ADGRL3: variants seen among roughly 807,000 people sequenced by gnomAD.
The protein encoded by ADGRL3 is calcium-independent alpha-latrotoxin receptor 3.
A neutral mutation model predicts 153.5 loss-of-function variants in ADGRL3; 62 were observed. That is an observed-to-expected ratio of 0.40 (90% CI 0.33 to 0.50). ADGRL3 has a LOEUF of 0.50. ADGRL3 is among the 20% of genes least tolerant of loss of function. The pLI is 0.47. For synonymous variants in ADGRL3, 710 were observed against 672.5 expected (o/e 1.06, Z -0.86); for missense variants, 1,641 against 1,859.4 (o/e 0.88, Z 2.16).
chr4:61,376,109 A>G (rs1359029944), intron 1 of ADGRL3, among the ~76,000 whole-genome samples: 2 of 152,116 alleles, frequency 1.3e-5, no homozygotes, highest in Non-Finnish European at 2.9e-5. Flanking sequence ...CAAACTTCCA[A>G]TTGTTTTGAA....
At chr4:61,898,949 C>G (rs2098647880) in intron 11 of ADGRL3, among the ~76,000 whole-genome samples, 1 of 152,058 alleles carries the variant, frequency 6.6e-6, no homozygotes, top group South Asian at 2.1e-4. Flanking sequence ...AGGCTTTCCA[C>G]TTGGCAGGCC....
intron 1 of ADGRL3, among the ~76,000 whole-genome samples, chr4:61,329,880 G>A (rs2095537551): frequency 6.6e-6 from 1 of 152,176 alleles, no homozygotes; most frequent in African/African-American, 2.4e-5. Context: ...AGGGGTGTCA[G>A]TAGGGTACAA....
At chr4:61,835,918 A>G (rs1341489484) in intron 9 of ADGRL3, among the ~76,000 whole-genome samples, 2 of 152,192 alleles carry the variant, frequency 1.3e-5, no homozygotes, top group East Asian at 3.9e-4. Context: ...TAGCTTGCAA[A>G]GGCTTTTAAC....
chr4:61,426,539 G>T (rs2097284077), intron 2 of ADGRL3, among the ~76,000 whole-genome samples: 1 of 149,574 alleles, frequency 6.7e-6, no homozygotes, highest in South Asian at 2.2e-4. Flanking sequence ...ATGCAGCCTT[G>T]CCTGGAAACT....
At chr4:62,059,725 A>G (rs1739043662) in intron 25 of ADGRL3, among the ~76,000 whole-genome samples, 1 of 152,168 alleles carries the variant, frequency 6.6e-6, no homozygotes, top group Non-Finnish European at 1.5e-5. Flanking sequence ...CCAAAGCCAC[A>G]TGGCTGAGAC....
intron 1 of ADGRL3, among the ~76,000 whole-genome samples, chr4:61,274,279 G>T (rs2093353650): frequency 6.6e-6 from 1 of 152,144 alleles, no homozygotes; most frequent in African/African-American, 2.4e-5. Flanking sequence ...AATGATAAAT[G>T]CTAACATTAT....
chr4:62,038,063 T>C (rs1329038906), intron 24 of ADGRL3, among the ~76,000 whole-genome samples: 1 of 152,126 alleles, frequency 6.6e-6, no homozygotes, highest in Non-Finnish European at 1.5e-5. Flanking sequence ...AATTTGAAGT[T>C]TGCATAATAA....
At chr4:61,817,145 G>A (rs2097696642) in intron 9 of ADGRL3, among the ~76,000 whole-genome samples, 1 of 137,422 alleles carries the variant, frequency 7.3e-6, no homozygotes, top group Non-Finnish European at 1.5e-5. Context: ...GCACAGGTCT[G>A]CAGACCCCCC....
At chr4:61,490,517 G>A (rs985318822) in intron 2 of ADGRL3, among the ~76,000 whole-genome samples, 4 of 151,942 alleles carry the variant, frequency 2.6e-5, no homozygotes, top group Non-Finnish European at 4.4e-5. Flanking sequence ...AATGTTTCTT[G>A]AAAATATTAA....
chr4:61,863,112 A>G (rs1196307931), intron 9 of ADGRL3, among the ~76,000 whole-genome samples: 1 of 152,052 alleles, frequency 6.6e-6, no homozygotes, highest in Non-Finnish European at 1.5e-5. Context: ...CAGATGAACA[A>G]TGTGATCCTT....
chr4:61,723,752 T>G (rs4860429), intron 6 of ADGRL3, among the ~76,000 whole-genome samples: 66,542 of 151,970 alleles, frequency 0.44, 14,811 homozygotes, highest in Admixed American at 0.54. Flanking sequence ...TTTCCCAGCA[T>G]TTGCATATCA....
chr4:61,210,942 C>T (rs1234476039), intron 1 of ADGRL3, among the ~76,000 whole-genome samples: 1 of 151,992 alleles, frequency 6.6e-6, no homozygotes, highest in African/African-American at 2.4e-5. Flanking sequence ...AGCTAGGCAG[C>T]CATTTAAAAA....
chr4:61,860,342 A>G (rs2098327826), intron 9 of ADGRL3, among the ~76,000 whole-genome samples: 3 of 152,110 alleles, frequency 2.0e-5, no homozygotes, highest in African/African-American at 7.2e-5. Context: ...TTAACAATAT[A>G]CAGATAAACG....
At chr4:61,689,510 T>C (rs1205685105) in intron 6 of ADGRL3, among the ~76,000 whole-genome samples, 1 of 152,220 alleles carries the variant, frequency 6.6e-6, no homozygotes, top group African/African-American at 2.4e-5. Context: ...TCATTGGCTC[T>C]TAACAGCCAT....
intron 8 of ADGRL3, among the ~76,000 whole-genome samples, chr4:61,761,351 G>C (rs757543224): frequency 6.6e-6 from 1 of 152,178 alleles, no homozygotes; most frequent in Non-Finnish European, 1.5e-5. Context: ...TTCAGCCTAT[G>C]CCCAGGAAGG....
intron 2 of ADGRL3, among the ~76,000 whole-genome samples, chr4:61,491,036 A>G (rs1370835103): frequency 2.0e-5 from 3 of 152,158 alleles, no homozygotes; most frequent in African/African-American, 7.2e-5. Flanking sequence ...TACCAAATAT[A>G]TTAACATTTG....
intron 6 of ADGRL3, among the ~76,000 whole-genome samples, chr4:61,714,269 G>A (rs1336545151): frequency 7.7e-6 from 1 of 130,540 alleles, no homozygotes; most frequent in African/African-American, 2.9e-5. Context: ...CAAAATTGAA[G>A]TGACAGCTAA....
chr4:61,939,193 GA>G (rs1194166554), intron 15 of ADGRL3, among the ~76,000 whole-genome samples: 1 of 152,144 alleles, frequency 6.6e-6, no homozygotes. Context: ...TGAGTTTTAA[GA>G]CAGGTAAAGA....
At chr4:61,562,615 C>T (rs969525338) in intron 4 of ADGRL3, among the ~76,000 whole-genome samples, 12 of 152,132 alleles carry the variant, frequency 7.9e-5, no homozygotes, top group Non-Finnish European at 1.3e-4. Context: ...AGCAACTCCT[C>T]TTCTGTTCAA....
Sources: gnomAD v4.1 joint callset for allele counts (sites outside exome capture counted in the v4.1 genomes callset) on GRCh38, gnomAD v4.1.1 for gene constraint, MANE v1.5 for transcripts, NCBI Gene and HGNC (gene_info 2026-07-23, HGNC 2026-07-21) for gene names.